The following SSH2 variants were observed in gnomAD, a reference collection of about 807,000 sequenced individuals.
SSH2 encodes the protein slingshot protein phosphatase 2, also known as protein phosphatase Slingshot homolog 2.
Under a neutral mutation model 135.2 loss-of-function variants are expected in SSH2, and 37 were observed. That is an observed-to-expected ratio of 0.27 (90% CI 0.21 to 0.36). The LOEUF (loss-of-function observed/expected upper bound fraction) is 0.36, where lower values mean the gene tolerates loss of function less well. SSH2 is among the 10% of genes least tolerant of loss of function. The pLI, the probability that SSH2 is intolerant of heterozygous loss-of-function variation, is 1.00. For synonymous variants in SSH2, 628 were observed against 646.2 expected, an observed-to-expected ratio of 0.97 and a Z score of 0.43; for missense variants, 1,408 against 1,765.3, an observed-to-expected ratio of 0.80 and a Z score of 3.63.
intron 3 of SSH2, among the ~76,000 whole-genome samples, chr17:29,742,668 T>G (rs755471349): frequency 6.6e-6 from 1 of 151,732 alleles, no homozygotes; most frequent in Non-Finnish European, 1.5e-5. Flanking sequence ...GGAGTCCCAC[T>G]CTGTCACCCA....
intron 1 of SSH2, among the ~76,000 whole-genome samples, chr17:29,888,056 G>A (rs2066274480): frequency 6.6e-6 from 1 of 152,146 alleles, no homozygotes; most frequent in African/African-American, 2.4e-5. Context: ...GGGCAATGTA[G>A]TGAGATCTCA....
At chr17:29,639,160 G>A (rs1175695083) in intron 14 of SSH2, among the ~76,000 whole-genome samples, 2 of 152,128 alleles carry the variant, frequency 1.3e-5, no homozygotes, top group East Asian at 1.9e-4. Flanking sequence ...AAAGCAGGTG[G>A]GCCAAAGGAA....
At chr17:29,709,009 TATATATAGAGAGAGAG>T (rs1397378574) in intron 3 of SSH2, among the ~76,000 whole-genome samples, 1 of 103,080 alleles carries the variant, frequency 9.7e-6, no homozygotes, top group African/African-American at 3.2e-5. Context: ...TATATATATA[TATATATAGAGAGAGAG>T]AGAGAGAGAG....
rs1184872638 is a variant in SSH2 at position 29,628,687 on chromosome 17, C to T, written c.*2154G>A. 2 of 152,240 alleles carry T rather than the reference C, an allele frequency of 1.3e-5. No homozygotes were observed. The highest frequency in any genetic ancestry group is 2.4e-5 in the African/African-American group (1 of 41,452). The allele number at this position is 152,240 out of a possible 1,614,324, so 9.4% of individuals were successfully genotyped here. On this transcript the variant is annotated 3_prime_UTR_variant, in exon 16 of 16. Coordinates refer to ENST00000540801, the MANE Select transcript of SSH2 (RefSeq NM_001282129.2). ...CCACCTAACAAAACACTTTACAACA[C>T]ACAAATATCCAGGAATCACAAAACT...
chr17:29,761,136 C>A, intron 3 of SSH2: 2 of 1,288,552 alleles, frequency 1.6e-6, no homozygotes, highest in Non-Finnish European at 2.0e-6. Flanking sequence ...GCGGAGGGCG[C>A]GCGGCGGACT....
At chr17:29,845,907 C>T (rs764754971) in intron 2 of SSH2, among the ~76,000 whole-genome samples, 1 of 152,090 alleles carries the variant, frequency 6.6e-6, no homozygotes, top group Admixed American at 6.5e-5. Context: ...CTAAAGTTAC[C>T]TTTTCCCCAC....
chr17:29,836,114 G>C (rs577624705), intron 2 of SSH2, among the ~76,000 whole-genome samples: 1 of 152,124 alleles, frequency 6.6e-6, no homozygotes, highest in South Asian at 2.1e-4. Flanking sequence ...AGAGATGTGA[G>C]TCACAACCCT....
At chr17:29,646,826 T>A (rs1420557962) in intron 14 of SSH2, among the ~76,000 whole-genome samples, 2 of 152,030 alleles carry the variant, frequency 1.3e-5, no homozygotes, top group African/African-American at 4.8e-5. Context: ...GAAAGAATTG[T>A]TTCTAGGAAG....
intron 3 of SSH2, among the ~76,000 whole-genome samples, chr17:29,719,974 G>A (rs2039766071): frequency 6.6e-6 from 1 of 152,184 alleles, no homozygotes; most frequent in Non-Finnish European, 1.5e-5. Context: ...GGCCAGGGTG[G>A]TCTCGAACTC....
chr17:29,826,097 T>C (rs2042738064), intron 2 of SSH2, among the ~76,000 whole-genome samples: 1 of 152,234 alleles, frequency 6.6e-6, no homozygotes, highest in African/African-American at 2.4e-5. Flanking sequence ...ATACAGGTAT[T>C]AGTCAGAGGG....
chr17:29,692,034 G>C (rs2038503367), intron 5 of SSH2, among the ~76,000 whole-genome samples: 1 of 151,514 alleles, frequency 6.6e-6, no homozygotes, highest in Non-Finnish European at 1.5e-5. Flanking sequence ...CAGCTAGTCG[G>C]GGGGCTGAGA....
At chr17:29,722,198 C>A (rs560964603) in intron 3 of SSH2, among the ~76,000 whole-genome samples, 1 of 150,470 alleles carries the variant, frequency 6.6e-6, no homozygotes, top group Non-Finnish European at 1.5e-5. Context: ...TGCTTGAACC[C>A]GGGAGGTGGA....
intron 3 of SSH2, among the ~76,000 whole-genome samples, chr17:29,753,015 C>T (rs2040999435): frequency 6.6e-6 from 1 of 152,130 alleles, no homozygotes; most frequent in Admixed American, 6.5e-5. Context: ...TGCCTCTCTT[C>T]TGTAATTGAG....
intron 1 of SSH2, among the ~76,000 whole-genome samples, chr17:29,850,085 C>T (rs1218503363): frequency 2.0e-5 from 3 of 146,582 alleles, no homozygotes; most frequent in South Asian, 2.2e-4. Context: ...AGTCCCCCAA[C>T]AGGCACCAGA....
chr17:29,892,603 G>A (rs147588502), intron 1 of SSH2, among the ~76,000 whole-genome samples: 9 of 151,818 alleles, frequency 5.9e-5, no homozygotes, highest in African/African-American at 1.4e-4. Context: ...ACATTGTCTC[G>A]ACCATGACTG....
intron 5 of SSH2, among the ~76,000 whole-genome samples, chr17:29,691,122 T>C (rs2038455142): frequency 6.6e-6 from 1 of 152,134 alleles, no homozygotes; most frequent in Non-Finnish European, 1.5e-5. Flanking sequence ...ATAATACATT[T>C]ATAGCTAGAA....
intron 1 of SSH2, among the ~76,000 whole-genome samples, chr17:29,893,847 C>G (rs950384359): frequency 6.6e-6 from 1 of 152,124 alleles, no homozygotes; most frequent in Non-Finnish European, 1.5e-5. Context: ...TCTTCCATCC[C>G]TTTTAAAGAA....
chr17:29,842,528 C>T (rs540511763), intron 2 of SSH2, among the ~76,000 whole-genome samples: 8 of 151,576 alleles, frequency 5.3e-5, no homozygotes, highest in Non-Finnish European at 8.8e-5. Flanking sequence ...TTAAATAAGG[C>T]TAATTTCAAA....
intron 5 of SSH2, among the ~76,000 whole-genome samples, chr17:29,690,961 C>T (rs1428797070): frequency 6.6e-6 from 1 of 151,930 alleles, no homozygotes; most frequent in Non-Finnish European, 1.5e-5. Flanking sequence ...TAGACACACA[C>T]ACTCTCTCTC....
Sources: gnomAD v4.1 joint callset for allele counts (sites outside exome capture counted in the v4.1 genomes callset) on GRCh38, gnomAD v4.1.1 for gene constraint, MANE v1.5 for transcripts, NCBI Gene and HGNC (gene_info 2026-07-23, HGNC 2026-07-21) for gene names.